The following YWHAE variants were observed in gnomAD, a reference collection of about 807,000 sequenced individuals.
YWHAE encodes the protein tyrosine 3-monooxygenase/tryptophan 5-monooxygenase activation protein epsilon.
Under a neutral mutation model 30.1 loss-of-function variants are expected in YWHAE, and 4 were observed. The ratio of observed to expected loss-of-function variants is 0.13; its 90% CI spans 0.07 to 0.30. The LOEUF (loss-of-function observed/expected upper bound fraction) is 0.30. Ranked by LOEUF, YWHAE falls within the 10% of genes least tolerant of loss-of-function variation. YWHAE has a pLI of 1.00. For missense variants in YWHAE, 121 were observed against 315.9 expected, an observed-to-expected ratio of 0.38 and a Z score of 4.68; for synonymous variants, 118 against 111.8, an observed-to-expected ratio of 1.06 and a Z score of -0.35.
At chr17:1,396,046 G>A (rs1399960873) in intron 1 of YWHAE, among the ~76,000 whole-genome samples, 1 of 152,110 alleles carries the variant, frequency 6.6e-6, no homozygotes, top group Admixed American at 6.6e-5. Flanking sequence ...TTGAACCCAG[G>A]GGATGGAGGT....
chr17:1,400,153 G>C lies in YWHAE; in HGVS notation c.-43C>G. 3 of 1,610,376 alleles carry C rather than the reference G, an allele frequency of 1.9e-6. No homozygotes were observed. Among genetic ancestry groups the C allele is most frequent in the African/African-American group, 1.3e-5 (1 of 74,998 alleles). ...CAGGGTCTGCGCGACGGATGGAAGC[G>C]GATAGTGTCTCCGACTCTCTCAGCC... On this transcript the variant is annotated 5_prime_UTR_variant, in exon 1 of 6. Transcript: ENST00000264335.
chr17:1,356,944 G>A (rs1036341440), intron 4 of YWHAE, among the ~76,000 whole-genome samples: 3 of 150,596 alleles, frequency 2.0e-5, no homozygotes, highest in African/African-American at 7.3e-5. Flanking sequence ...TTAAGCAGTT[G>A]TCCTCAAACA....
At position 1,361,140 on chromosome 17, in the gene YWHAE, A is replaced by G; in HGVS notation, c.530T>C (p.Phe177Ser). 1 of 1,614,140 alleles carries G rather than the reference A, an allele frequency of 6.2e-7. No individual in the cohort carries two copies. Among genetic ancestry groups the G allele is most frequent in the Non-Finnish European group, 8.5e-7 (1 of 1,180,024 alleles). Residue 177 changes from phenylalanine to serine, a missense_variant, in exon 4 of 6, where the codon TTT (phenylalanine) becomes TCT (serine). Coordinates refer to ENST00000264335, the MANE Select transcript of YWHAE (RefSeq NM_006761.5). ...AAGAATTTCGTAGTAGAATACGGAA[A>G]AATTGAGAGCAAGACCTAAGCGAAT... ...HPIRLGLALNFSVFYYEILNS... is the reference protein window; with the variant it reads ...HPIRLGLALNSSVFYYEILNS...
At chr17:1,378,964 A>G (rs2150866409) in intron 1 of YWHAE, among the ~76,000 whole-genome samples, 1 of 152,058 alleles carries the variant, frequency 6.6e-6, no homozygotes, top group South Asian at 2.1e-4. Flanking sequence ...AAAAAAAAAA[A>G]GAAATTCAGT....
chr17:1,357,448 C>T (rs1598233124), intron 4 of YWHAE, among the ~76,000 whole-genome samples: 2 of 149,746 alleles, frequency 1.3e-5, no homozygotes, highest in East Asian at 2.0e-4. Context: ...GGCGTGGTGG[C>T]GGGTGCCTGT....
chr17:1,392,831 CAA>C (rs932410010), intron 1 of YWHAE, among the ~76,000 whole-genome samples: 45 of 149,378 alleles, frequency 3.0e-4, no homozygotes, highest in Admixed American at 4.7e-4. Flanking sequence ...GCCTGAATGA[CAA>C]GAGGGAAAAT....
rs1011899316 is a variant in YWHAE, at chr17:1,344,900, G to T, written c.*547C>A. 1.3e-5 allele frequency: 3 copies of T among 233,264 alleles called. No homozygotes were observed. The highest frequency in any genetic ancestry group is 1.7e-5 in the Non-Finnish European group (2 of 117,882). 14.4% of individuals were successfully genotyped at this position (233,264 alleles called of 1,614,324 possible). On this transcript the variant is annotated 3_prime_UTR_variant, in exon 6 of 6. Transcript: ENST00000264335. ...CCATGCTTTTCAGCAACATTTCAGC[G>T]GAGTTGGAAACATTTTTTACAGCAA...
chr17:1,357,769 A>G (rs917079824), intron 4 of YWHAE, among the ~76,000 whole-genome samples: 2 of 150,894 alleles, frequency 1.3e-5, no homozygotes, highest in Non-Finnish European at 3.0e-5. Context: ...CTACATAAAA[A>G]TACAAAAATT....
chr17:1,356,605 A>C lies in YWHAE; in HGVS notation c.579-2258T>G, dbSNP rs201514571. Reference sequence around the variant, plus strand: ...AGGTGCAACCACCAGTATTAGCTAAATAGCCACAGCTTCTTCAGTTACGAT... The same window carrying C: ...AGGTGCAACCACCAGTATTAGCTAACTAGCCACAGCTTCTTCAGTTACGAT... On this transcript the variant is annotated intron_variant, in intron 4 of 5. Transcript: ENST00000264335. Among the ~76,000 whole-genome samples, 9 of 152,346 alleles carry C rather than the reference A, an allele frequency of 5.9e-5. No individual in the cohort carries two copies. The East Asian group carries it at 1.5e-3, about 26-fold the overall frequency.
intron 5 of YWHAE, among the ~76,000 whole-genome samples, chr17:1,346,708 C>T (rs1251575283): frequency 5.3e-5 from 8 of 152,128 alleles, no homozygotes; most frequent in Non-Finnish European, 8.8e-5. Flanking sequence ...AACATAACGC[C>T]GGGCACGGTG....
Position 1,359,099 on chromosome 17 carries a change from G to A in YWHAE, c.578+1993C>T, listed in dbSNP as rs1304614059. Among the ~76,000 whole-genome samples, 16 of 151,646 alleles carry A rather than the reference G, an allele frequency of 1.1e-4. No individual in the cohort carries two copies. In the Admixed American group the frequency reaches 1.1e-3, roughly 10 times the overall value. On this transcript the variant is annotated intron_variant, in intron 4 of 5. Coordinates refer to ENST00000264335, the MANE Select transcript of YWHAE (RefSeq NM_006761.5). Reference sequence around the variant, plus strand: ...TGCAGTGGGCCAAGATCACGCCACTGCACTCCAGCCTGGGTGACAGTGCCA... The same window carrying A: ...TGCAGTGGGCCAAGATCACGCCACTACACTCCAGCCTGGGTGACAGTGCCA...
chr17:1,392,026 T>C (rs185586447), intron 1 of YWHAE, among the ~76,000 whole-genome samples: 1,538 of 152,016 alleles, frequency 0.01, 79 homozygotes, highest in Admixed American at 0.092. Context: ...CTGGGCAACA[T>C]GGTAAAATCC....
chr17:1,377,933 CA>C (rs1331301766), intron 1 of YWHAE, among the ~76,000 whole-genome samples: 16 of 152,104 alleles, frequency 1.1e-4, no homozygotes, highest in Non-Finnish European at 1.9e-4. Flanking sequence ...CCTGTAATCC[CA>C]GCTACTCGGG....
Position 1,388,111 on chromosome 17 carries a change from TTGG to T in YWHAE, c.64+11933_64+11935del, listed in dbSNP as rs1567983221. 3.8e-4 allele frequency among the ~76,000 whole-genome samples: 17 copies of T among 45,062 alleles called. 1 individual carries two copies. The highest frequency in any genetic ancestry group is 1.3e-3 in the Admixed American group (4 of 3,102). The allele number at this position is 45,062 out of a possible 152,430, so 29.6% of individuals were successfully genotyped here. ...GCCTGGGTAATTTTTGTTTTTTTTT[TTGG>T]TTGGTTTTTTTTTTTTTTTTTTTTT... On this transcript the variant is annotated intron_variant, in intron 1 of 5. Transcript: ENST00000264335.
chr17:1,382,193 C>A (rs796330527), intron 1 of YWHAE, among the ~76,000 whole-genome samples: 3 of 151,802 alleles, frequency 2.0e-5, no homozygotes, highest in African/African-American at 7.2e-5. Flanking sequence ...GGACTTCAGG[C>A]GCCCACCACC....
intron 4 of YWHAE, among the ~76,000 whole-genome samples, chr17:1,360,252 G>A (rs71357193): frequency 0.032 from 4,842 of 152,100 alleles, 90 homozygotes; most frequent in Middle Eastern, 0.041. Flanking sequence ...GTGAGCCACT[G>A]CACCCAGGCT....
At chr17:1,400,023 C>T (rs746562740) in intron 1 of YWHAE, 24 bp downstream of exon 1, 14 of 1,426,742 alleles carry the variant, frequency 9.8e-6, no homozygotes, top group East Asian at 6.8e-5. Flanking sequence ...AGAATTCCAG[C>T]CCCCCGTTGC....
At chr17:1,366,131 G>A (rs1230773770) in intron 1 of YWHAE, among the ~76,000 whole-genome samples, 1 of 151,150 alleles carries the variant, frequency 6.6e-6, no homozygotes, top group Non-Finnish European at 1.5e-5. Flanking sequence ...CAGGAGAATC[G>A]CTTGAACCCA....
chr17:1,384,494 A>T (rs189853198), intron 1 of YWHAE, among the ~76,000 whole-genome samples: 1 of 149,412 alleles, frequency 6.7e-6, no homozygotes, highest in Middle Eastern at 3.2e-3. Flanking sequence ...GATCAAGACC[A>T]TCCTGGCTAA....
Sources: allele counts gnomAD v4.1 joint callset (sites outside exome capture counted in the v4.1 genomes callset), GRCh38; gene constraint gnomAD v4.1.1; transcripts MANE v1.5; gene names NCBI Gene and HGNC (gene_info 2026-07-23, HGNC 2026-07-21).